The following PPARGC1A variants were observed in gnomAD, a reference collection of about 807,000 sequenced individuals.
PPARGC1A encodes the protein PPARG coactivator 1 alpha.
In PPARGC1A, 25 loss-of-function variants were observed where a neutral mutation model predicts 88.7. The observed-to-expected ratio is 0.28, with a 90% confidence interval of 0.21 to 0.39. The LOEUF (loss-of-function observed/expected upper bound fraction) is 0.39, where lower values mean the gene tolerates loss of function less well. PPARGC1A is among the 10% of genes least tolerant of loss of function. PPARGC1A has a pLI of 1.00. For synonymous variants in PPARGC1A, 363 were observed against 355.6 expected (o/e 1.02, Z -0.24); for missense variants, 880 against 968.7 (o/e 0.91, Z 1.22).
the PPARGC1A span, among the ~76,000 whole-genome samples, chr4:24,044,625 C>T: frequency 1.3e-5 from 2 of 152,110 alleles, no homozygotes; most frequent in Non-Finnish European, 2.9e-5. Context: ...AACTGCTCTG[C>T]GATATTTCAG....
intron 2 of PPARGC1A, among the ~76,000 whole-genome samples, chr4:23,846,250 T>C (rs866105759): frequency 1.3e-5 from 2 of 152,172 alleles, no homozygotes; most frequent in Non-Finnish European, 1.5e-5. Flanking sequence ...AAACACTGAA[T>C]AGTAAAAGCT....
chr4:24,047,320 C>T, the PPARGC1A span, among the ~76,000 whole-genome samples: 1 of 152,172 alleles, frequency 6.6e-6, no homozygotes, highest in African/African-American at 2.4e-5. Context: ...AATTAAACTC[C>T]TTGATTAGGA....
chr4:24,052,991 G>A, the PPARGC1A span, among the ~76,000 whole-genome samples: 2 of 149,522 alleles, frequency 1.3e-5, no homozygotes, highest in Non-Finnish European at 3.0e-5. Flanking sequence ...AGCCTCCGGA[G>A]TAGCTGGGAC....
chr4:24,211,679 G>C, the PPARGC1A span, among the ~76,000 whole-genome samples: 1 of 152,076 alleles, frequency 6.6e-6, no homozygotes, highest in Non-Finnish European at 1.5e-5. Context: ...TATAAACGTA[G>C]GTCCCTTGGG....
At position 23,801,817 on chromosome 4, in the gene PPARGC1A, A is replaced by G. The variant is rs1718808929; in HGVS notation, c.2206T>C (p.Tyr736His). 6.2e-7 allele frequency: 1 copy of G among 1,613,908 alleles called. No homozygotes were observed. ...CDAFAALENG[Y>H]TLRRSNETDF... ...GTTTCGTTTGACCTGCGCAAAGTGT[A>G]TCCATTTTCAAGAGCAGCAAAAGCA... Residue 736 changes from tyrosine (Y) to histidine (H), a missense_variant, in exon 12 of 13, where the codon TAC becomes CAC. Physicochemically the swap from Tyr to His is moderately conservative, Grantham distance 83 (BLOSUM62 2). Transcript: ENST00000264867.
chr4:24,265,731 G>C, the PPARGC1A span, among the ~76,000 whole-genome samples: 1 of 152,084 alleles, frequency 6.6e-6, no homozygotes, highest in Admixed American at 6.6e-5. Flanking sequence ...TACACTGGAA[G>C]TGGAAGAGGT....
chr4:23,994,531 A>G, the PPARGC1A span, among the ~76,000 whole-genome samples: 2 of 152,090 alleles, frequency 1.3e-5, no homozygotes, highest in Non-Finnish European at 2.9e-5. Flanking sequence ...CACAACTAAT[A>G]TAGCACTAAT....
At chr4:23,801,190 AAC>A (rs34293917) in intron 12 of PPARGC1A, among the ~76,000 whole-genome samples, 68,552 of 149,716 alleles carry the variant, frequency 0.46, 15,801 homozygotes, top group Middle Eastern at 0.59. Flanking sequence ...TCAGGTTACA[AAC>A]ACACACACAC....
At chr4:24,393,833 T>C in the PPARGC1A span, among the ~76,000 whole-genome samples, 2 of 152,146 alleles carry the variant, frequency 1.3e-5, no homozygotes, top group Admixed American at 6.5e-5. Context: ...AAAAAGAAAA[T>C]TTTCGCCGGG....
At chr4:24,008,309 C>A in the PPARGC1A span, among the ~76,000 whole-genome samples, 1 of 152,106 alleles carries the variant, frequency 6.6e-6, no homozygotes, top group Non-Finnish European at 1.5e-5. Flanking sequence ...AGAAAAAGAG[C>A]TCTTTATTTA....
At chr4:24,398,322 CTGAG>C in the PPARGC1A span, among the ~76,000 whole-genome samples, 18 of 152,142 alleles carry the variant, frequency 1.2e-4, no homozygotes, top group African/African-American at 4.1e-4. Flanking sequence ...TTTCTGGCCT[CTGAG>C]TGAGAGAATA....
chr4:24,229,728 C>G, the PPARGC1A span, among the ~76,000 whole-genome samples: 1,527 of 151,504 alleles, frequency 0.01, 30 homozygotes, highest in African/African-American at 0.035. Context: ...GCCTGTAATC[C>G]GAACTACCTG....
chr4:23,956,535 C>G, the PPARGC1A span, among the ~76,000 whole-genome samples: 1 of 152,026 alleles, frequency 6.6e-6, no homozygotes, highest in Non-Finnish European at 1.5e-5. Context: ...GTTTTTCTGC[C>G]ACTAAAATAT....
the PPARGC1A span, among the ~76,000 whole-genome samples, chr4:24,090,795 CA>C: frequency 6.6e-6 from 1 of 152,174 alleles, no homozygotes; most frequent in Admixed American, 6.5e-5. Flanking sequence ...CCAAGCCATT[CA>C]ACAGGATTTA....
the PPARGC1A span, among the ~76,000 whole-genome samples, chr4:24,445,716 G>C: frequency 6.6e-5 from 10 of 152,116 alleles, no homozygotes; most frequent in African/African-American, 2.4e-4. Flanking sequence ...GGGCAGGAAG[G>C]GGATGCCTTC....
chr4:24,164,843 G>C, the PPARGC1A span, among the ~76,000 whole-genome samples: 1 of 152,094 alleles, frequency 6.6e-6, no homozygotes, highest in Non-Finnish European at 1.5e-5. Flanking sequence ...ATTTCTATAG[G>C]GGGAAGGAAG....
chr4:24,352,073 T>C, the PPARGC1A span, among the ~76,000 whole-genome samples: 1 of 151,962 alleles, frequency 6.6e-6, no homozygotes, highest in African/African-American at 2.4e-5. Flanking sequence ...GTTCATTCTG[T>C]TGCTATTCCC....
chr4:24,189,081 G>C, the PPARGC1A span, among the ~76,000 whole-genome samples: 1 of 152,102 alleles, frequency 6.6e-6, no homozygotes, highest in Non-Finnish European at 1.5e-5. Context: ...ACTTACGCAA[G>C]CTACTTGGAG....
the PPARGC1A span, among the ~76,000 whole-genome samples, chr4:24,174,558 C>T: frequency 9.8e-5 from 15 of 152,312 alleles, no homozygotes; most frequent in East Asian, 2.1e-3. Flanking sequence ...GTAATTCACA[C>T]AAGGCATCCA....
Sources: gnomAD v4.1 joint callset for allele counts (sites outside exome capture counted in the v4.1 genomes callset) on GRCh38, gnomAD v4.1.1 for gene constraint, MANE v1.5 for transcripts, NCBI Gene and HGNC (gene_info 2026-07-23, HGNC 2026-07-21) for gene names.